ATXN1: variants seen among roughly 807,000 people sequenced by gnomAD.
ATXN1 encodes the protein ataxin-1.
In ATXN1, 8 loss-of-function variants were observed where a neutral mutation model predicts 56.4. That is an observed-to-expected ratio of 0.14 (90% CI 0.08 to 0.26). The LOEUF is 0.26. ATXN1 is among the 10% of genes least tolerant of loss of function. ATXN1 has a pLI of 1.00. For synonymous variants in ATXN1, 514 were observed against 494.6 expected (o/e 1.04, Z -0.52); for missense variants, 987 against 1,106.5 (o/e 0.89, Z 1.53).
intron 6 of ATXN1, among the ~76,000 whole-genome samples, chr6:16,336,053 C>T (rs1286852231): frequency 1.3e-5 from 2 of 152,168 alleles, no homozygotes; most frequent in Admixed American, 1.3e-4. Context: ...CAAATATCTT[C>T]CATTTATTGA....
chr6:16,358,187 C>A (rs573104634), intron 6 of ATXN1, among the ~76,000 whole-genome samples: 1 of 152,230 alleles, frequency 6.6e-6, no homozygotes, highest in Admixed American at 6.5e-5. Flanking sequence ...TGTGGTGAAA[C>A]GGGAACACTT....
intron 4 of ATXN1, among the ~76,000 whole-genome samples, chr6:16,563,920 G>A (rs1762166468): frequency 6.6e-6 from 1 of 152,120 alleles, no homozygotes; most frequent in South Asian, 2.1e-4. Context: ...TTACTTTTTA[G>A]GATACAATTG....
chr6:16,634,885 A>C (rs1763566408), intron 3 of ATXN1, among the ~76,000 whole-genome samples: 1 of 152,152 alleles, frequency 6.6e-6, no homozygotes, highest in South Asian at 2.1e-4. Context: ...TGTAGCTTTC[A>C]TTACCATTGG....
chr6:16,544,167 G>A lies in ATXN1; in HGVS notation c.-360-21479C>T, dbSNP rs192061359. On this transcript the variant is annotated intron_variant, in intron 4 of 7. Coordinates refer to ENST00000436367, the MANE Select transcript of ATXN1 (RefSeq NM_001128164.2). Reference sequence around the variant, plus strand: ...GCATGCTCCAGGTCTCCGATTCCACGCTCCTCGTCTTTCTCTTTGCCAGCA... The same window carrying A: ...GCATGCTCCAGGTCTCCGATTCCACACTCCTCGTCTTTCTCTTTGCCAGCA... Among the ~76,000 whole-genome samples, 38 of 152,278 alleles carry A rather than the reference G, an allele frequency of 2.5e-4. 1 individual carries two copies. Among genetic ancestry groups the A allele is most frequent in the Middle Eastern group, 3.4e-3 (1 of 294 alleles).
At chr6:16,389,337 CA>C (rs950919034) in intron 6 of ATXN1, among the ~76,000 whole-genome samples, 3 of 125,652 alleles carry the variant, frequency 2.4e-5, no homozygotes, top group Non-Finnish European at 1.6e-5. Flanking sequence ...ACTCCATCTC[CA>C]AAAAAAAAGA....
chr6:16,570,309 A>G (rs1257123849), intron 4 of ATXN1, among the ~76,000 whole-genome samples: 13 of 152,160 alleles, frequency 8.5e-5, no homozygotes, highest in Non-Finnish European at 1.3e-4. Context: ...CTTCTAATCT[A>G]TTTGGGAAAC....
chr6:16,566,771 G>A (rs1177759113), intron 4 of ATXN1, among the ~76,000 whole-genome samples: 4 of 151,968 alleles, frequency 2.6e-5, no homozygotes, highest in African/African-American at 7.2e-5. Flanking sequence ...CAGGAGAATC[G>A]CTTGAATCTG....
At chr6:16,726,852 T>C (rs1008252) in intron 2 of ATXN1, among the ~76,000 whole-genome samples, 84,406 of 151,898 alleles carry the variant, frequency 0.56, 23,677 homozygotes, top group East Asian at 0.66. Context: ...GAGCGAAACT[T>C]CATCTCAAAA....
chr6:16,759,518 C>G (rs888156934), intron 1 of ATXN1, among the ~76,000 whole-genome samples: 5 of 128,312 alleles, frequency 3.9e-5, no homozygotes, highest in Non-Finnish European at 7.9e-5. Flanking sequence ...ATATAACCAG[C>G]TTCTTCCGAC....
At chr6:16,308,154 T>C (rs1268755100) in intron 7 of ATXN1, among the ~76,000 whole-genome samples, 2 of 151,156 alleles carry the variant, frequency 1.3e-5, no homozygotes, top group Non-Finnish European at 2.9e-5. Flanking sequence ...GGTGAAACCC[T>C]GTCCCTACTA....
intron 3 of ATXN1, among the ~76,000 whole-genome samples, chr6:16,630,801 G>T (rs1227978689): frequency 6.6e-6 from 1 of 152,178 alleles, no homozygotes; most frequent in Non-Finnish European, 1.5e-5. Context: ...CAGAGAGAAT[G>T]ATTCTAAATA....
intron 2 of ATXN1, among the ~76,000 whole-genome samples, chr6:16,731,008 T>C (rs922077822): frequency 3.9e-5 from 6 of 152,140 alleles, no homozygotes; most frequent in African/African-American, 1.4e-4. Flanking sequence ...CAAATGTCAT[T>C]AACGTTGCAC....
intron 4 of ATXN1, among the ~76,000 whole-genome samples, chr6:16,538,272 A>G (rs989788870): frequency 3.9e-5 from 6 of 152,232 alleles, no homozygotes; most frequent in African/African-American, 1.4e-4. Context: ...GTTTTCAGAT[A>G]TAAAATTTAC....
In ATXN1 at chr6:16,508,904, A is replaced by C. The variant is rs556716735; in HGVS notation, c.-299+13723T>G. ...CAGATGAATGAATAAACAAAATGTG[A>C]TATATACAAGAGTGGAATATTCATC... On this transcript the variant is annotated intron_variant, in intron 5 of 7. Coordinates refer to ENST00000436367, the MANE Select transcript of ATXN1 (RefSeq NM_001128164.2). Among the ~76,000 whole-genome samples the C allele has an allele frequency of 3.3e-5, 5 of 152,342 alleles. No individual in the cohort carries two copies. In the South Asian group the frequency reaches 1.0e-3, roughly 32 times the overall value.
chr6:16,647,073 C>T (rs1052298001), intron 3 of ATXN1, among the ~76,000 whole-genome samples: 3 of 152,074 alleles, frequency 2.0e-5, no homozygotes, highest in Admixed American at 6.6e-5. Context: ...GGCACCATCT[C>T]GGCTCACTGC....
intron 2 of ATXN1, among the ~76,000 whole-genome samples, chr6:16,709,698 C>T (rs1023508378): frequency 2.0e-5 from 3 of 152,012 alleles, no homozygotes; most frequent in Non-Finnish European, 2.9e-5. Flanking sequence ...GAGGACTCCA[C>T]GAATACATTT....
At chr6:16,347,223 C>T (rs146008775) in intron 6 of ATXN1, among the ~76,000 whole-genome samples, 2,195 of 152,338 alleles carry the variant, frequency 0.014, 49 homozygotes, top group African/African-American at 0.05. Flanking sequence ...CTGAGGAGTG[C>T]GGGCGCACGG....
At chr6:16,748,405 TCTTAAGGACAGGG>T (rs1158259139) in intron 2 of ATXN1, among the ~76,000 whole-genome samples, 2 of 152,290 alleles carry the variant, frequency 1.3e-5, no homozygotes, top group African/African-American at 2.4e-5. Context: ...ACTGTAAGCT[TCTTAAGGACAGGG>T]CTTAAGGAAC....
At chr6:16,426,470 A>G (rs1759156721) in intron 6 of ATXN1, among the ~76,000 whole-genome samples, 2 of 152,222 alleles carry the variant, frequency 1.3e-5, no homozygotes, top group Non-Finnish European at 2.9e-5. Flanking sequence ...TGGATGACAA[A>G]TCTCTAGGAG....
Sources: gnomAD v4.1 joint callset for allele counts (sites outside exome capture counted in the v4.1 genomes callset) on GRCh38, gnomAD v4.1.1 for gene constraint, MANE v1.5 for transcripts, NCBI Gene and HGNC (gene_info 2026-07-23, HGNC 2026-07-21) for gene names.